The following VWC2 variants were observed in gnomAD, a reference collection of about 807,000 sequenced individuals.
VWC2 encodes von Willebrand factor C domain containing 2.
Under a neutral mutation model 29.8 loss-of-function variants are expected in VWC2, and 14 were observed. The observed-to-expected ratio is 0.47, with a 90% CI of 0.31 to 0.74. VWC2 has a LOEUF of 0.74. Ranked by LOEUF, VWC2 falls within the 30% of genes least tolerant of loss-of-function variation. The pLI is 0.05. For synonymous variants in VWC2, 213 were observed against 199.0 expected, an observed-to-expected ratio of 1.07 and a Z score of -0.59; for missense variants, 457 against 459.8, an observed-to-expected ratio of 0.99 and a Z score of 0.05.
At chr7:49,804,271 G>A (rs1056130393) in intron 3 of VWC2, among the ~76,000 whole-genome samples, 5 of 151,816 alleles carry the variant, frequency 3.3e-5, no homozygotes, top group Non-Finnish European at 7.4e-5. Flanking sequence ...CACTAATAAA[G>A]GGGGAAGAAG....
At chr7:49,880,779 T>C (rs1022298045) in intron 3 of VWC2, among the ~76,000 whole-genome samples, 2 of 152,008 alleles carry the variant, frequency 1.3e-5, no homozygotes, top group African/African-American at 2.4e-5. Context: ...CATGTATACA[T>C]AGGCATTTGT....
At chr7:49,899,630 C>A (rs6971301) in intron 3 of VWC2, among the ~76,000 whole-genome samples, 1,546 of 152,026 alleles carry the variant, frequency 0.01, 23 homozygotes, top group African/African-American at 0.035. Flanking sequence ...ACACACAGGT[C>A]TTCAATATGC....
At chr7:49,816,667 C>A (rs111845883) in intron 3 of VWC2, among the ~76,000 whole-genome samples, 2,192 of 152,236 alleles carry the variant, frequency 0.014, 34 homozygotes, top group African/African-American at 0.036. Flanking sequence ...AGGGGAAAAA[C>A]AGGAAAATCT....
intron 2 of VWC2, among the ~76,000 whole-genome samples, chr7:49,788,497 G>C (rs887120435): frequency 6.6e-6 from 1 of 151,250 alleles, no homozygotes; most frequent in Non-Finnish European, 1.5e-5. Flanking sequence ...GTGTAAGACA[G>C]TGTGTATGAG....
rs1793660385 is a variant in VWC2 at position 49,915,386 on chromosome 7, C to T, written c.*3201C>T. On this transcript the variant is annotated 3_prime_UTR_variant, in exon 4 of 4. Transcript: ENST00000340652. The stretch of plus-strand genomic sequence containing the variant: ...TCTTTTGATACTTAGAATTTCATCA[C>T]CTGCTTTGTGCAGTAAAACATGCTA... The T allele has an allele frequency of 6.6e-6, 1 of 152,160 alleles. No homozygotes were observed. The highest frequency in any genetic ancestry group is 2.4e-5 in the African/African-American group (1 of 41,442). 9.4% of individuals were successfully genotyped at this position (152,160 alleles called of 1,614,324 possible). A position where few individuals can be genotyped will look rare whatever the true frequency, so the allele number is the denominator to read the frequency against.
At chr7:49,877,308 A>G (rs2128725489) in intron 3 of VWC2, among the ~76,000 whole-genome samples, 1 of 150,500 alleles carries the variant, frequency 6.6e-6, no homozygotes, top group East Asian at 2.0e-4. Context: ...CTAAAAATAC[A>G]AAAATTAGCT....
At chr7:49,890,932 G>C (rs1583765397) in intron 3 of VWC2, among the ~76,000 whole-genome samples, 1 of 150,338 alleles carries the variant, frequency 6.7e-6, no homozygotes, top group African/African-American at 2.4e-5. Context: ...ATAAAAAAAA[G>C]GTCCTTTAGA....
At chr7:49,903,881 G>C (rs1792926489) in intron 3 of VWC2, among the ~76,000 whole-genome samples, 1 of 152,114 alleles carries the variant, frequency 6.6e-6, no homozygotes. Flanking sequence ...GGAAAGACTG[G>C]CTGGTGGCAG....
chr7:49,830,896 A>G (rs1191051856), intron 3 of VWC2, among the ~76,000 whole-genome samples: 1 of 151,898 alleles, frequency 6.6e-6, no homozygotes, highest in African/African-American at 2.4e-5. Context: ...TATGTGCCAC[A>G]TTTTCTTAAT....
chr7:49,808,505 T>A (rs968253985), intron 3 of VWC2, among the ~76,000 whole-genome samples: 2 of 152,044 alleles, frequency 1.3e-5, no homozygotes, highest in Non-Finnish European at 2.9e-5. Flanking sequence ...TATAGAAGAC[T>A]TGAATGGCAC....
chr7:49,850,711 A>G (rs1790142329), intron 3 of VWC2, among the ~76,000 whole-genome samples: 1 of 152,220 alleles, frequency 6.6e-6, no homozygotes, highest in South Asian at 2.1e-4. Context: ...GTGTTCATGT[A>G]TTGGTCTCCA....
intron 3 of VWC2, among the ~76,000 whole-genome samples, chr7:49,857,222 T>G (rs1790462639): frequency 6.6e-6 from 1 of 152,110 alleles, no homozygotes; most frequent in Non-Finnish European, 1.5e-5. Context: ...ACCATTCTGG[T>G]TCAGCTCTGG....
intron 3 of VWC2, among the ~76,000 whole-genome samples, chr7:49,858,542 C>G (rs1463159473): frequency 9.5e-6 from 1 of 105,394 alleles, no homozygotes; most frequent in Non-Finnish European, 1.8e-5. Context: ...ACATCACACA[C>G]TGGGGCCTGT....
intron 3 of VWC2, among the ~76,000 whole-genome samples, chr7:49,862,924 A>G (rs1790717186): frequency 6.6e-6 from 1 of 152,050 alleles, no homozygotes; most frequent in Non-Finnish European, 1.5e-5. Flanking sequence ...ATTTACCTAT[A>G]CTTTTCTTGT....
intron 3 of VWC2, among the ~76,000 whole-genome samples, chr7:49,834,691 G>A (rs142788401): frequency 1.7e-4 from 26 of 152,268 alleles, no homozygotes; most frequent in African/African-American, 4.3e-4. Flanking sequence ...AATTCCCCAG[G>A]TGCTAGAAAT....
At chr7:49,833,435 G>T (rs997726471) in intron 3 of VWC2, among the ~76,000 whole-genome samples, 5 of 152,156 alleles carry the variant, frequency 3.3e-5, no homozygotes, top group African/African-American at 1.2e-4. Flanking sequence ...GTAGAGAAAA[G>T]ATTTTATTCA....
In VWC2 at chr7:49,919,462, G is replaced by C. The variant is rs1793905156; in HGVS notation, c.*7277G>C. The C allele has an allele frequency of 6.6e-6, 1 of 152,126 alleles. No individual in the cohort carries two copies. Among genetic ancestry groups the C allele is most frequent in the East Asian group, 1.9e-4 (1 of 5,200 alleles). The allele number at this position is 152,126 out of a possible 1,614,324, so 9.4% of individuals were successfully genotyped here. A position where few individuals can be genotyped will look rare whatever the true frequency, so the allele number is the denominator to read the frequency against. ...AGTAGCTAGCTAGTGATAAAATTATGAAGTTACCATTGTATGTTCCAATGA... is the reference window on the plus strand; with the variant it reads ...AGTAGCTAGCTAGTGATAAAATTATCAAGTTACCATTGTATGTTCCAATGA... On this transcript the variant is annotated 3_prime_UTR_variant, in exon 4 of 4. Coordinates refer to ENST00000340652, the MANE Select transcript of VWC2 (RefSeq NM_198570.5).
chr7:49,778,291 C>T (rs1788094757), intron 2 of VWC2, among the ~76,000 whole-genome samples: 1 of 152,052 alleles, frequency 6.6e-6, no homozygotes, highest in Non-Finnish European at 1.5e-5. Flanking sequence ...GGAAAGATTA[C>T]AATCTTAGGA....
Position 49,913,132 on chromosome 7 carries a change from G to T in VWC2, c.*947G>T, listed in dbSNP as rs566959025. On this transcript the variant is annotated 3_prime_UTR_variant, in exon 4 of 4. Coordinates refer to ENST00000340652, the MANE Select transcript of VWC2 (RefSeq NM_198570.5). The stretch of plus-strand genomic sequence containing the variant: ...CTGTCAGTTCAGTGGAATCATATTT[G>T]TCATCAGACTTGAGTCATCTATCCT... 6.6e-6 allele frequency: 1 copy of T among 152,234 alleles called. No homozygotes were observed. The highest frequency in any genetic ancestry group is 6.5e-5 in the Admixed American group (1 of 15,290). 9.4% of individuals were successfully genotyped at this position (152,234 alleles called of 1,614,324 possible). A position where few individuals can be genotyped will look rare whatever the true frequency, so the allele number is the denominator to read the frequency against.
Sources: gnomAD v4.1 joint callset for allele counts (sites outside exome capture counted in the v4.1 genomes callset) on GRCh38, gnomAD v4.1.1 for gene constraint, MANE v1.5 for transcripts, NCBI Gene and HGNC (gene_info 2026-07-23, HGNC 2026-07-21) for gene names.